The following SEC14L5 variants were observed in gnomAD, a reference collection of about 807,000 sequenced individuals.
The protein encoded by SEC14L5 is SEC14-like protein 5.
A neutral mutation model predicts 84.6 loss-of-function variants in SEC14L5; 96 were observed. That is an observed-to-expected ratio of 1.13 (90% CI 0.96 to 1.34). The LOEUF (loss-of-function observed/expected upper bound fraction) is 1.34. Ranked by LOEUF, SEC14L5 falls within the 40% of genes most tolerant of loss-of-function variation. The pLI is 0.00. For missense variants in SEC14L5, 1,224 were observed against 942.5 expected, an observed-to-expected ratio of 1.30 and a Z score of -3.91; for synonymous variants, 546 against 383.4, an observed-to-expected ratio of 1.42 and a Z score of -4.95.
intron 2 of SEC14L5, among the ~76,000 whole-genome samples, chr16:4,964,967 G>A (rs1193748157): frequency 3.9e-5 from 6 of 152,092 alleles, no homozygotes; most frequent in African/African-American, 1.4e-4. Flanking sequence ...CTGGCCCCAG[G>A]TGATCTGCCC....
intron 13 of SEC14L5, 111 bp downstream of exon 13, chr16:5,007,597 T>C: frequency 1.1e-6 from 1 of 898,496 alleles, no homozygotes; most frequent in Non-Finnish European, 1.6e-6. Context: ...TTTCTTTCTT[T>C]CTTTCTTTCT....
At chr16:4,985,186 G>A (rs1255396798) in intron 2 of SEC14L5, among the ~76,000 whole-genome samples, 1 of 151,966 alleles carries the variant, frequency 6.6e-6, no homozygotes, top group African/African-American at 2.4e-5. Flanking sequence ...GAGTTTTGTA[G>A]TTTTTAAAAA....
At chr16:4,973,678 C>T (rs11864952) in intron 2 of SEC14L5, among the ~76,000 whole-genome samples, 36,480 of 139,064 alleles carry the variant, frequency 0.26, 4,881 homozygotes, top group Admixed American at 0.37. Flanking sequence ...TTTTCTCTGT[C>T]TCTTTTTTTT....
At chr16:4,989,471 C>G (rs1041928962) in intron 4 of SEC14L5, among the ~76,000 whole-genome samples, 1 of 152,056 alleles carries the variant, frequency 6.6e-6, no homozygotes, top group Admixed American at 6.6e-5. Flanking sequence ...CTCAGATTCC[C>G]GTGTAGGTGG....
At chr16:4,982,320 G>A (rs1955433813) in intron 2 of SEC14L5, among the ~76,000 whole-genome samples, 1 of 152,288 alleles carries the variant, frequency 6.6e-6, no homozygotes, top group African/African-American at 2.4e-5. Context: ...CAATTCCGGG[G>A]CACGTGGGCT....
At chr16:5,008,393 C>G (rs1371971386) in intron 13 of SEC14L5, 28 bp from the exon 14 acceptor site, 1 of 1,543,918 alleles carries the variant, frequency 6.5e-7, no homozygotes, top group Admixed American at 1.8e-5. Flanking sequence ...TCGGCCGTGA[C>G]TCTCAGACCT....
rs770714430 is a variant in SEC14L5, at chr16:4,990,892, G to C, written c.471G>C (p.Lys157Asn). 2 of 1,589,170 alleles carry C rather than the reference G, an allele frequency of 1.3e-6. No individual in the cohort carries two copies. The highest frequency in any genetic ancestry group is 2.3e-5 in the South Asian group (2 of 87,388). The change falls in exon 5 of 16, where the codon AAG becomes AAC. Residue 157 changes from lysine to asparagine, a missense_variant. Transcript: ENST00000251170. ...IAMKQYTANV[K>N]RGKEVIEHYL... is the part of the protein sequence containing the mutation. ...TGAAGCAGTACACCGCCAACGTCAA[G>C]AGGGTAAGCGGTGGGTTGCGTTAGT...
chr16:4,990,968 C>A, intron 5 of SEC14L5, 73 bp downstream of exon 5: 1 of 1,295,186 alleles, frequency 7.7e-7, no homozygotes, highest in Non-Finnish European at 1.0e-6. Flanking sequence ...CTGCATGACC[C>A]CTGGCAAGAC....
chr16:4,969,308 C>A (rs371887348), intron 2 of SEC14L5, among the ~76,000 whole-genome samples: 9 of 152,080 alleles, frequency 5.9e-5, no homozygotes, highest in African/African-American at 2.2e-4. Context: ...TGCTGTGTGC[C>A]GAAGGCTGTG....
rs780669380 is a variant in SEC14L5, at chr16:5,007,471, C to G, written c.1557C>G (p.Arg519=). 2.5e-6 allele frequency: 4 copies of G among 1,613,326 alleles called. No individual in the cohort carries two copies. The African/African-American group carries it at 5.3e-5, about 22-fold the overall frequency. ...SETYHSASVL[R]GAPHEVAVEI... The stretch of plus-strand genomic sequence containing the variant: ...CCTACCATTCAGCCAGCGTGCTCCG[C>G]GGAGCCCCCCACGAGGTGCCAGGGC... The change falls in exon 13 of 16, where the codon CGC becomes CGG. Residue 519 remains arginine (R), a synonymous_variant. Transcript: ENST00000251170.
intron 2 of SEC14L5, among the ~76,000 whole-genome samples, chr16:4,977,282 A>T (rs1287442874): frequency 6.6e-6 from 1 of 151,888 alleles, no homozygotes; most frequent in African/African-American, 2.4e-5. Flanking sequence ...CCCCATCTCT[A>T]CTAAAAGTAC....
chr16:5,010,313 G>A (rs1955784917), intron 14 of SEC14L5, among the ~76,000 whole-genome samples: 1 of 150,954 alleles, frequency 6.6e-6, no homozygotes. Context: ...GCAGTGAGCT[G>A]AGATCATGCC....
At chr16:4,965,221 C>T (rs1955182772) in intron 2 of SEC14L5, among the ~76,000 whole-genome samples, 1 of 152,120 alleles carries the variant, frequency 6.6e-6, no homozygotes, top group Non-Finnish European at 1.5e-5. Flanking sequence ...ATAAATACTT[C>T]ACTGTGTATG....
In SEC14L5 at chr16:4,965,480, T is replaced by C. The variant is rs566273620; in HGVS notation, c.63+6094T>C. 3.0e-3 allele frequency among the ~76,000 whole-genome samples: 452 copies of C among 149,246 alleles called. 2 individuals carry two copies. Among genetic ancestry groups the C allele is most frequent in the African/African-American group, 0.011 (427 of 40,540 alleles). ...ATCGAGACCATCCTGGCTAACACGG[T>C]GAAACCGCGTCTCTACTAAAAATAC... On this transcript the variant is annotated intron_variant, in intron 2 of 15. Transcript: ENST00000251170.
rs1955744286 is a variant in SEC14L5, at chr16:5,007,467, T to C, written c.1553T>C (p.Leu518Pro). The C allele has an allele frequency of 6.2e-7, 1 of 1,613,608 alleles. No individual in the cohort carries two copies. The highest frequency in any genetic ancestry group is 8.5e-7 in the Non-Finnish European group (1 of 1,179,846). ...WSETYHSASV[L>P]RGAPHEVAVE... ...GAGACCTACCATTCAGCCAGCGTGC[T>C]CCGCGGAGCCCCCCACGAGGTGCCA... Residue 518 changes from leucine (L) to proline (P), a missense_variant, in exon 13 of 16, where the codon CTC (leucine) becomes CCC (proline). Transcript: ENST00000251170.
chr16:4,980,607 G>A (rs986463973), intron 2 of SEC14L5, among the ~76,000 whole-genome samples: 13 of 152,128 alleles, frequency 8.5e-5, no homozygotes, highest in African/African-American at 2.9e-4. Flanking sequence ...AGGGTGTGCC[G>A]AGGACCAAGC....
rs977157287 is a variant in SEC14L5, at chr16:5,015,231, C to T, written c.*261C>T. The T allele has an allele frequency of 2.6e-4, 125 of 481,750 alleles. No individual in the cohort carries two copies. The highest frequency in any genetic ancestry group is 1.3e-4 in the Non-Finnish European group (34 of 270,356). 29.8% of individuals were successfully genotyped at this position (481,750 alleles called of 1,614,324 possible). On this transcript the variant is annotated 3_prime_UTR_variant, in exon 16 of 16. Transcript: ENST00000251170. ...GACCAAGCCAAGGCCAAGGTGTCTA[C>T]CATACCACACCTTTGGGACATCCGG... is the stretch of plus-strand genomic sequence containing the variant.
chr16:5,007,904 C>A (rs1041384509), intron 13 of SEC14L5, among the ~76,000 whole-genome samples: 6 of 141,980 alleles, frequency 4.2e-5, no homozygotes, highest in African/African-American at 1.5e-4. Context: ...CGGCGCCTGG[C>A]CTCTTTTTTT....
intron 2 of SEC14L5, among the ~76,000 whole-genome samples, chr16:4,974,427 C>T (rs376877113): frequency 7.9e-5 from 12 of 152,086 alleles, no homozygotes; most frequent in South Asian, 4.2e-4. Context: ...TGGTCTTGAA[C>T]GCCTGGGCTT....
Sources: gnomAD v4.1 joint callset for allele counts (sites outside exome capture counted in the v4.1 genomes callset) on GRCh38, gnomAD v4.1.1 for gene constraint, MANE v1.5 for transcripts, NCBI Gene and HGNC (gene_info 2026-07-23, HGNC 2026-07-21) for gene names.